The following ADGRL3 variants were observed in gnomAD, a reference collection of about 807,000 sequenced individuals.
ADGRL3 encodes the protein adhesion G protein-coupled receptor L3.
A neutral mutation model predicts 153.5 loss-of-function variants in ADGRL3; 62 were observed. The ratio of observed to expected loss-of-function variants is 0.40; its 90% CI spans 0.33 to 0.50. The LOEUF (loss-of-function observed/expected upper bound fraction) is 0.50, where lower values mean the gene tolerates loss of function less well. Ranked by LOEUF, ADGRL3 falls within the 20% of genes least tolerant of loss-of-function variation. ADGRL3 has a pLI of 0.47. For missense variants in ADGRL3, 1,641 were observed against 1,859.4 expected (o/e 0.88, Z 2.16); for synonymous variants, 710 against 672.5 (o/e 1.06, Z -0.86).
intron 8 of ADGRL3, among the ~76,000 whole-genome samples, chr4:61,809,979 A>T (rs2097592035): frequency 6.6e-6 from 1 of 152,112 alleles, no homozygotes. Context: ...AAGTGAAGCA[A>T]CTTGATAATT....
intron 1 of ADGRL3, among the ~76,000 whole-genome samples, chr4:61,359,973 G>A (rs1392097698): frequency 6.6e-6 from 1 of 152,020 alleles, no homozygotes; most frequent in Admixed American, 6.6e-5. Context: ...GTACTGATTA[G>A]TCATTATCTG....
Position 61,517,526 on chromosome 4 carries a change from CAGCGGT to C in ADGRL3, c.259+9_259+14del. 1.4e-6 allele frequency: 1 copy of C among 703,818 alleles called. No individual in the cohort carries two copies. Among genetic ancestry groups the C allele is most frequent in the Non-Finnish European group, 2.6e-6 (1 of 387,292 alleles). The allele number at this position is 703,818 out of a possible 1,614,324, so 43.6% of individuals were successfully genotyped here. A position where few individuals can be genotyped will look rare whatever the true frequency, so the allele number is the denominator to read the frequency against. Reference sequence around the variant, plus strand: ...CACAGATTGCAGCGCAAGGTGCGGCCAGCGGTGGGGAGAGAGGGCTGGGGGTGGCTG... The same window carrying C: ...CACAGATTGCAGCGCAAGGTGCGGCCGGGGAGAGAGGGCTGGGGGTGGCTG... On this transcript the variant is annotated intron_variant, in intron 4 of 26. Coordinates refer to ENST00000683033, the MANE Select transcript of ADGRL3 (RefSeq NM_001387552.1).
At chr4:61,552,697 G>A (rs913818944) in intron 4 of ADGRL3, among the ~76,000 whole-genome samples, 2 of 152,040 alleles carry the variant, frequency 1.3e-5, no homozygotes, top group Non-Finnish European at 2.9e-5. Context: ...GTGAACTCCT[G>A]GGCTCAAGTG....
intron 3 of ADGRL3, among the ~76,000 whole-genome samples, chr4:61,507,781 A>G (rs1181448971): frequency 6.6e-6 from 1 of 152,130 alleles, no homozygotes; most frequent in Non-Finnish European, 1.5e-5. Context: ...TACTTAGGAG[A>G]GGGAGCTAGA....
intron 6 of ADGRL3, among the ~76,000 whole-genome samples, chr4:61,709,072 G>A (rs1236355334): frequency 6.6e-6 from 1 of 152,052 alleles, no homozygotes; most frequent in East Asian, 1.9e-4. Flanking sequence ...GCCTCCCAAA[G>A]TGCTGGGATT....
chr4:61,639,901 G>C (rs552404834), intron 5 of ADGRL3, among the ~76,000 whole-genome samples: 3 of 151,940 alleles, frequency 2.0e-5, no homozygotes, highest in Non-Finnish European at 4.4e-5. Flanking sequence ...AAGTTACATG[G>C]ACAAACAATT....
chr4:61,767,387 C>T (rs1157174816), intron 8 of ADGRL3, among the ~76,000 whole-genome samples: 1 of 151,904 alleles, frequency 6.6e-6, no homozygotes, highest in African/African-American at 2.4e-5. Context: ...CATCAATACC[C>T]ACAACAGTTA....
intron 1 of ADGRL3, among the ~76,000 whole-genome samples, chr4:61,216,832 T>C (rs557204592): frequency 2.0e-5 from 3 of 152,360 alleles, no homozygotes; most frequent in East Asian, 3.9e-4. Context: ...AAATAATACC[T>C]ACCTTTCAGA....
chr4:61,851,637 A>G (rs1282998206), intron 9 of ADGRL3, among the ~76,000 whole-genome samples: 2 of 151,070 alleles, frequency 1.3e-5, no homozygotes, highest in Non-Finnish European at 2.9e-5. Context: ...GATTCAATGC[A>G]TTTGAGTGTC....
rs188176502 is a variant in ADGRL3 at position 61,775,651 on chromosome 4, T to A, written c.1400-38158T>A. On this transcript the variant is annotated intron_variant, in intron 8 of 26. Coordinates refer to ENST00000683033, the MANE Select transcript of ADGRL3 (RefSeq NM_001387552.1). ...GATTTGGTGTTCAGCACAAAGGGCC[T>A]CCACCAACTTGACATACATCACAGG... The A allele has an allele frequency of 2.0e-6, 3 of 1,501,470 alleles. No homozygotes were observed. In the East Asian group the frequency reaches 6.8e-5, roughly 34 times the overall value. The allele number at this position is 1,501,470 out of a possible 1,614,324, so 93.0% of individuals were successfully genotyped here.
At chr4:61,886,784 G>A (rs1273736707) in intron 9 of ADGRL3, among the ~76,000 whole-genome samples, 1 of 151,892 alleles carries the variant, frequency 6.6e-6, no homozygotes, top group African/African-American at 2.4e-5. Context: ...TGGGATTACA[G>A]GCGCCCACCA....
intron 17 of ADGRL3, among the ~76,000 whole-genome samples, chr4:61,979,229 A>G (rs574627321): frequency 6.6e-6 from 1 of 152,328 alleles, no homozygotes; most frequent in Non-Finnish European, 1.5e-5. Flanking sequence ...AAAGTGATAT[A>G]AATTTAAAAA....
chr4:61,590,340 TC>T (rs2098964378), intron 5 of ADGRL3, among the ~76,000 whole-genome samples: 1 of 151,962 alleles, frequency 6.6e-6, no homozygotes, highest in Non-Finnish European at 1.5e-5. Flanking sequence ...TTGAATGGTT[TC>T]TATTTCTTTT....
intron 8 of ADGRL3, among the ~76,000 whole-genome samples, chr4:61,792,678 C>T (rs1033089697): frequency 2.0e-5 from 3 of 151,676 alleles, no homozygotes; most frequent in Non-Finnish European, 2.9e-5. Flanking sequence ...TTAGTAGAGA[C>T]GGAGTTTCAC....
intron 1 of ADGRL3, among the ~76,000 whole-genome samples, chr4:61,222,775 A>G (rs553889280): frequency 2.6e-5 from 4 of 152,320 alleles, no homozygotes; most frequent in Admixed American, 6.5e-5. Flanking sequence ...TCTTGAAACA[A>G]TACCAACAAC....
chr4:61,963,011 C>G (rs72640005), intron 17 of ADGRL3, among the ~76,000 whole-genome samples: 1 of 152,012 alleles, frequency 6.6e-6, no homozygotes, highest in Non-Finnish European at 1.5e-5. Flanking sequence ...TGGGAAAGAG[C>G]TTTACCTGGA....
At chr4:62,056,748 T>A (rs922673659) in intron 25 of ADGRL3, among the ~76,000 whole-genome samples, 1 of 152,120 alleles carries the variant, frequency 6.6e-6, no homozygotes, top group Non-Finnish European at 1.5e-5. Flanking sequence ...ATATTAGAAA[T>A]GACTTCATAA....
intron 5 of ADGRL3, among the ~76,000 whole-genome samples, chr4:61,675,443 A>G (rs2095153978): frequency 6.6e-6 from 1 of 151,868 alleles, no homozygotes; most frequent in Non-Finnish European, 1.5e-5. Flanking sequence ...TTAAGGATAA[A>G]TTTTTGAATT....
At chr4:61,654,274 T>G (rs1232442358) in intron 5 of ADGRL3, among the ~76,000 whole-genome samples, 1 of 152,204 alleles carries the variant, frequency 6.6e-6, no homozygotes, top group East Asian at 1.9e-4. Context: ...GTGACTTTTT[T>G]ATTTAAAAAT....
Sources: allele counts gnomAD v4.1 joint callset (sites outside exome capture counted in the v4.1 genomes callset), GRCh38; gene constraint gnomAD v4.1.1; transcripts MANE v1.5; gene names NCBI Gene and HGNC (gene_info 2026-07-23, HGNC 2026-07-21).